The following PLEKHA7 variants were observed in gnomAD, a reference collection of about 807,000 sequenced individuals.
The protein encoded by PLEKHA7 is pleckstrin homology domain-containing family A member 7.
PLEKHA7 carries 104 observed loss-of-function variants against 170.0 expected under a neutral mutation model. The ratio of observed to expected loss-of-function variants is 0.61; its 90% CI spans 0.52 to 0.72. PLEKHA7 has a LOEUF of 0.72. PLEKHA7 is among the 30% of genes least tolerant of loss of function. PLEKHA7 has a pLI of 0.00. For missense variants in PLEKHA7, 1,615 were observed against 1,671.7 expected, an observed-to-expected ratio of 0.97 and a Z score of 0.59; for synonymous variants, 648 against 660.8, an observed-to-expected ratio of 0.98 and a Z score of 0.30.
chr11:16,907,267 C>T (rs552685339), intron 3 of PLEKHA7, among the ~76,000 whole-genome samples: 21 of 141,908 alleles, frequency 1.5e-4, no homozygotes, highest in South Asian at 4.7e-4. Flanking sequence ...GTGGGGGGGT[C>T]AGCCCCCCGC....
chr11:16,974,291 G>T (rs1184862532), intron 3 of PLEKHA7, among the ~76,000 whole-genome samples: 1 of 104,734 alleles, frequency 9.5e-6, no homozygotes. Flanking sequence ...ATTGTTCAGA[G>T]AATTCTTTTT....
At chr11:16,805,433 C>G (rs892487607) in intron 13 of PLEKHA7, among the ~76,000 whole-genome samples, 5 of 151,858 alleles carry the variant, frequency 3.3e-5, no homozygotes, top group Middle Eastern at 3.4e-3. Context: ...TTTTTTTTCT[C>G]TCTCTCAGGA....
At chr11:16,912,583 G>A (rs7129155) in intron 3 of PLEKHA7, among the ~76,000 whole-genome samples, 4 of 152,050 alleles carry the variant, frequency 2.6e-5, no homozygotes, top group Non-Finnish European at 5.9e-5. Flanking sequence ...TACGAGACAC[G>A]GAAGGAGGGA....
At chr11:16,926,131 T>C (rs7943517) in intron 3 of PLEKHA7, among the ~76,000 whole-genome samples, 138,216 of 152,238 alleles carry the variant, frequency 0.91, 63,256 homozygotes, top group Middle Eastern at 0.97. Flanking sequence ...CTTCTAACAA[T>C]CCCTGGTAAA....
At chr11:16,793,734 T>C (rs1848018127) in intron 19 of PLEKHA7, among the ~76,000 whole-genome samples, 1 of 152,198 alleles carries the variant, frequency 6.6e-6, no homozygotes, top group African/African-American at 2.4e-5. Flanking sequence ...CTTTAAAGTC[T>C]CCTGCATTCC....
At chr11:16,904,725 C>G (rs1857545172) in intron 3 of PLEKHA7, among the ~76,000 whole-genome samples, 1 of 152,078 alleles carries the variant, frequency 6.6e-6, no homozygotes. Flanking sequence ...TGGTATTTTG[C>G]TATCCATTAT....
chr11:16,880,324 T>G (rs1021564012), intron 3 of PLEKHA7, among the ~76,000 whole-genome samples: 3 of 152,226 alleles, frequency 2.0e-5, no homozygotes, highest in African/African-American at 4.8e-5. Flanking sequence ...TGGTAGTGCA[T>G]GACCTTGAGC....
At chr11:16,830,695 G>A (rs1217293641) in intron 9 of PLEKHA7, among the ~76,000 whole-genome samples, 1 of 152,188 alleles carries the variant, frequency 6.6e-6, no homozygotes, top group Non-Finnish European at 1.5e-5. Context: ...CATTCACCAT[G>A]TATTTACCAA....
intron 3 of PLEKHA7, among the ~76,000 whole-genome samples, chr11:16,972,016 G>T (rs1862746898): frequency 6.6e-6 from 1 of 152,080 alleles, no homozygotes; most frequent in South Asian, 2.1e-4. Context: ...TAGAGATGGG[G>T]TTTTGTCATG....
At chr11:16,881,278 ACT>A (rs1855692291) in intron 3 of PLEKHA7, 1 of 152,074 alleles carries the variant, frequency 6.6e-6, no homozygotes, top group African/African-American at 2.4e-5. Flanking sequence ...CAGGGGACAC[ACT>A]CACCCTCCCT....
At chr11:16,938,399 T>C (rs761993660) in intron 3 of PLEKHA7, among the ~76,000 whole-genome samples, 1 of 152,214 alleles carries the variant, frequency 6.6e-6, no homozygotes, top group African/African-American at 2.4e-5. Context: ...AACGAGTAGC[T>C]TTCCTTGTGC....
intron 26 of PLEKHA7, among the ~76,000 whole-genome samples, chr11:16,782,076 GAC>G (rs1849062181): frequency 6.6e-6 from 1 of 151,372 alleles, no homozygotes; most frequent in Non-Finnish European, 1.5e-5. Context: ...TTTATACACA[GAC>G]ACACACACAT....
intron 3 of PLEKHA7, among the ~76,000 whole-genome samples, 175 bp from the exon 4 acceptor site, chr11:16,871,357 A>G (rs1467927672): frequency 6.6e-6 from 1 of 152,142 alleles, no homozygotes; most frequent in Non-Finnish European, 1.5e-5. Context: ...ACACTAAGAA[A>G]AGCCCAAGAA....
At chr11:16,901,573 A>T (rs1352376667) in intron 3 of PLEKHA7, among the ~76,000 whole-genome samples, 2 of 152,208 alleles carry the variant, frequency 1.3e-5, no homozygotes, top group Non-Finnish European at 2.9e-5. Flanking sequence ...CAATTCACTT[A>T]AAGTGTACAG....
intron 3 of PLEKHA7, among the ~76,000 whole-genome samples, chr11:16,972,862 C>G (rs1179752135): frequency 6.6e-6 from 1 of 152,182 alleles, no homozygotes; most frequent in African/African-American, 2.4e-5. Flanking sequence ...CTAGAAACCT[C>G]GGCCAGTAAC....
intron 12 of PLEKHA7, chr11:16,815,112 G>C (rs1162423783): frequency 2.0e-5 from 3 of 152,868 alleles, no homozygotes; most frequent in African/African-American, 7.2e-5. Context: ...ATGGGCACGA[G>C]CGAACGCGAG....
chr11:16,794,997 C>A lies in PLEKHA7; in HGVS notation c.2431G>T (p.Asp811Tyr), dbSNP rs1848121266. The change falls in exon 18 of 27, where the codon GAT becomes TAT. Residue 811 changes from aspartate (D) to tyrosine (Y), a missense_variant. Physicochemically the swap from Asp to Tyr is radical, Grantham distance 160. Coordinates refer to ENST00000531066, the MANE Select transcript of PLEKHA7 (RefSeq NM_001329630.2). Reference protein sequence around the residue: ...FFQEKSQIQKDLWRIEDVTAG... With the variant: ...FFQEKSQIQKYLWRIEDVTAG... ...GTGACATCTTCAATTCTCCATAGATCTTTCTGTATCTGCGATTTCTCCTGA... is the reference window on the plus strand; with the variant it reads ...GTGACATCTTCAATTCTCCATAGATATTTCTGTATCTGCGATTTCTCCTGA... 6.2e-7 allele frequency: 1 copy of A among 1,613,698 alleles called. No individual in the cohort carries two copies. Among genetic ancestry groups the A allele is most frequent in the Non-Finnish European group, 8.5e-7 (1 of 1,179,614 alleles).
chr11:16,834,447 C>T (rs1380015672), intron 9 of PLEKHA7, among the ~76,000 whole-genome samples: 1 of 152,054 alleles, frequency 6.6e-6, no homozygotes, highest in Non-Finnish European at 1.5e-5. Context: ...TTTGTAGGGA[C>T]CAGGCCCATG....
chr11:16,877,682 C>T (rs1855407556), intron 3 of PLEKHA7, among the ~76,000 whole-genome samples: 1 of 152,138 alleles, frequency 6.6e-6, no homozygotes, highest in Admixed American at 6.5e-5. Context: ...TGAGCCAATC[C>T]TCTCTTTAAG....
Sources: allele counts gnomAD v4.1 joint callset (sites outside exome capture counted in the v4.1 genomes callset), GRCh38; gene constraint gnomAD v4.1.1; transcripts MANE v1.5; gene names NCBI Gene and HGNC (gene_info 2026-07-23, HGNC 2026-07-21).